Variants in ASH1L observed in about 807,000 individuals in gnomAD.
ASH1L encodes histone-lysine N-methyltransferase ASH1L.
Under a neutral mutation model 269.0 loss-of-function variants are expected in ASH1L, and 23 were observed. That is an observed-to-expected ratio of 0.09 (90% confidence interval 0.06 to 0.12). ASH1L has a LOEUF of 0.12. Among genes scored for constraint, ASH1L ranks in the 10% least tolerant of loss-of-function variants. The pLI is 1.00. For synonymous variants in ASH1L, 1,187 were observed against 1,253.5 expected (o/e 0.95, Z 1.12); for missense variants, 2,912 against 3,567.8 (o/e 0.82, Z 4.68).
At chr1:155,414,124 TTC>T (rs1194976751) in intron 6 of ASH1L, among the ~76,000 whole-genome samples, 2 of 152,220 alleles carry the variant, frequency 1.3e-5, no homozygotes, top group African/African-American at 4.8e-5. Context: ...AATCTTATTC[TTC>T]TCTTTGTCTA....
In ASH1L at chr1:155,347,824, T is replaced by A; in HGVS notation, c.7635A>T (p.Ala2545=). Residue 2545 remains alanine, a synonymous_variant, in exon 20 of 28, where the codon GCA becomes GCT. Coordinates refer to ENST00000392403, the MANE Select transcript of ASH1L (RefSeq NM_018489.3). ...CCACAATCTCATCAATCTGGGCTGA[T>A]GCCTCATGCCGGGCATTGTAATAGG... ...RKAYYNARHE[A]SAQIDEIVGE... The A allele has an allele frequency of 1.2e-6, 2 of 1,614,260 alleles. No individual in the cohort carries two copies. The highest frequency in any genetic ancestry group is 1.7e-6 in the Non-Finnish European group (2 of 1,180,046).
intron 1 of ASH1L, among the ~76,000 whole-genome samples, chr1:155,532,937 A>ATG (rs931737908): frequency 1.0e-4 from 14 of 136,862 alleles, no homozygotes; most frequent in East Asian, 2.1e-4. Context: ...GTGCATATAT[A>ATG]TGTGTGTGTG....
intron 1 of ASH1L, among the ~76,000 whole-genome samples, chr1:155,542,701 A>G (rs1287496031): frequency 4.0e-5 from 6 of 148,376 alleles, no homozygotes; most frequent in East Asian, 3.9e-4. Context: ...TTTTTTTGAG[A>G]AGGAGTCTCA....
intron 6 of ASH1L, among the ~76,000 whole-genome samples, chr1:155,402,387 C>T (rs776223371): frequency 3.9e-5 from 6 of 151,954 alleles, no homozygotes; most frequent in South Asian, 4.1e-4. Context: ...TCAAGGAATA[C>T]GGCACTTTTA....
chr1:155,538,449 C>CT (rs1670203018), intron 1 of ASH1L, among the ~76,000 whole-genome samples: 2 of 151,958 alleles, frequency 1.3e-5, no homozygotes, highest in African/African-American at 4.8e-5. Flanking sequence ...CCTCTGCCTT[C>CT]TGGGTTCAAG....
At chr1:155,522,878 A>G (rs1277505344) in intron 1 of ASH1L, among the ~76,000 whole-genome samples, 2 of 152,050 alleles carry the variant, frequency 1.3e-5, no homozygotes, top group East Asian at 1.9e-4. Context: ...TTTAGTAGAG[A>G]CAGGGTTTCA....
intron 6 of ASH1L, among the ~76,000 whole-genome samples, chr1:155,411,582 AATAAATATATATAT>A (rs927073320): frequency 0.018 from 855 of 48,404 alleles, 68 homozygotes; most frequent in African/African-American, 0.062. Context: ...TAAATAAATA[AATAAATATATATAT>A]ATATATATAT....
intron 7 of ASH1L, among the ~76,000 whole-genome samples, chr1:155,391,095 G>A (rs1657893607): frequency 6.6e-6 from 1 of 152,042 alleles, no homozygotes; most frequent in Admixed American, 6.6e-5. Context: ...ACAAGTGCAT[G>A]CCACCACACC....
At chr1:155,338,879 T>C (rs1463788005) in intron 26 of ASH1L, among the ~76,000 whole-genome samples, 2 of 152,158 alleles carry the variant, frequency 1.3e-5, no homozygotes, top group African/African-American at 2.4e-5. Flanking sequence ...ATGAGGAGAC[T>C]GAAGAAAAAG....
intron 4 of ASH1L, among the ~76,000 whole-genome samples, chr1:155,458,040 A>G (rs1411977531): frequency 6.6e-6 from 1 of 152,200 alleles, no homozygotes; most frequent in Admixed American, 6.5e-5. Flanking sequence ...GGCTACACAA[A>G]AACAGGCCTT....
intron 1 of ASH1L, among the ~76,000 whole-genome samples, chr1:155,551,713 T>C (rs1221838266): frequency 2.0e-5 from 3 of 147,686 alleles, no homozygotes; most frequent in Non-Finnish European, 4.5e-5. Context: ...CTCACACCTG[T>C]AATCCCAGCA....
At chr1:155,477,828 C>T in intron 3 of ASH1L, 58 bp downstream of exon 3, 4 of 1,484,242 alleles carry the variant, frequency 2.7e-6, no homozygotes, top group Admixed American at 2.3e-5. Context: ...TTATCAGGCA[C>T]CTGTGGAAAA....
rs754691861 is a variant in ASH1L, at chr1:155,478,316, T to G, written c.4554A>C (p.Arg1518Ser). 3 of 1,614,026 alleles carry G rather than the reference T, an allele frequency of 1.9e-6. No individual in the cohort carries two copies. The highest frequency in any genetic ancestry group is 2.5e-6 in the Non-Finnish European group (3 of 1,180,018). ...GCTCTCCAACAGCATCCTTTCCAAATCTATAGCGCTTCAAAGATTCCAGGA... is the reference window on the plus strand; with the variant it reads ...GCTCTCCAACAGCATCCTTTCCAAAGCTATAGCGCTTCAAAGATTCCAGGA... ...RSVLESLKRYRFGKDAVGERY... is the reference protein window; with the variant it reads ...RSVLESLKRYSFGKDAVGERY... The change falls in exon 3 of 28, where the codon AGA becomes AGC. Residue 1518 changes from arginine (R) to serine (S), a missense_variant. Physicochemically the swap from Arg to Ser is moderately radical, Grantham distance 110. Coordinates refer to ENST00000392403, the MANE Select transcript of ASH1L (RefSeq NM_018489.3). The surrounding 1 kb of genome is among the most constrained non-coding windows in gnomAD (Gnocchi z 4.6).
intron 3 of ASH1L, among the ~76,000 whole-genome samples, chr1:155,473,492 ATTTTTT>A (rs774259211): frequency 7.8e-6 from 1 of 127,746 alleles, no homozygotes. Context: ...TAGTATTTCT[ATTTTTT>A]TTTTTTTTTT....
At position 155,343,281 on chromosome 1, in the gene ASH1L, G is replaced by T; in HGVS notation, c.8293+33C>A. On this transcript the variant is annotated intron_variant, in intron 24 of 27. Coordinates refer to ENST00000392403, the MANE Select transcript of ASH1L (RefSeq NM_018489.3). This position sits in a 1 kb window ranked among gnomAD's most constrained non-coding sequence, Gnocchi z 6.1. ...TCAGCGTGAGCCACTGCACTTGGCC[G>T]AGGTCATTTTTTAACTAGCCCAGAT... 6.3e-7 allele frequency: 1 copy of T among 1,590,156 alleles called. No homozygotes were observed. The highest frequency in any genetic ancestry group is 1.1e-5 in the South Asian group (1 of 87,260).
chr1:155,495,957 T>C (rs1667125269), intron 2 of ASH1L, among the ~76,000 whole-genome samples: 1 of 152,134 alleles, frequency 6.6e-6, no homozygotes, highest in African/African-American at 2.4e-5. Flanking sequence ...GAGATCGTGC[T>C]ATTGCACTCC....
chr1:155,419,146 A>G (rs1660465523), intron 5 of ASH1L, among the ~76,000 whole-genome samples: 1 of 152,122 alleles, frequency 6.6e-6, no homozygotes, highest in South Asian at 2.1e-4. Flanking sequence ...CATGCCTGTA[A>G]TCCCAGCACT....
intron 12 of ASH1L, among the ~76,000 whole-genome samples, chr1:155,361,579 C>A (rs1410218240): frequency 1.4e-5 from 2 of 140,624 alleles, no homozygotes; most frequent in African/African-American, 2.6e-5. Flanking sequence ...TGTGCCTATA[C>A]TCCCAGCTAC....
At chr1:155,370,687 A>T (rs1299638105) in intron 11 of ASH1L, 37 bp from the exon 12 acceptor site, 1 of 1,612,352 alleles carries the variant, frequency 6.2e-7, no homozygotes, top group African/African-American at 1.3e-5. Context: ...ACAATTAAAG[A>T]GTAGCTGAAA....
Sources: allele counts gnomAD v4.1 joint callset (sites outside exome capture counted in the v4.1 genomes callset), GRCh38; gene constraint gnomAD v4.1.1; non-coding constraint Gnocchi (gnomAD v3.1); transcripts MANE v1.5; gene names NCBI Gene and HGNC (gene_info 2026-07-23, HGNC 2026-07-21).